GPATCH1: variants seen among roughly 807,000 people sequenced by gnomAD.
The protein encoded by GPATCH1 is G-patch domain containing 1.
A neutral mutation model predicts 114.9 loss-of-function variants in GPATCH1; 73 were observed. That is an observed-to-expected ratio of 0.64 (90% CI 0.53 to 0.77). The LOEUF (loss-of-function observed/expected upper bound fraction) is 0.77, where lower values mean the gene tolerates loss of function less well. Among genes scored for constraint, GPATCH1 ranks in the 30% least tolerant of loss-of-function variants. The pLI is 0.00. For missense variants in GPATCH1, 1,058 were observed against 1,144.3 expected (o/e 0.92, Z 1.09); for synonymous variants, 391 against 428.4 (o/e 0.91, Z 1.08).
chr19:33,122,343 G>A (rs1411499925), intron 17 of GPATCH1, among the ~76,000 whole-genome samples: 2 of 86,326 alleles, frequency 2.3e-5, no homozygotes, highest in Non-Finnish European at 4.5e-5. Flanking sequence ...TTTTTTTTTT[G>A]AGACGGAGTC....
intron 2 of GPATCH1, 33 bp from the exon 3 acceptor site, chr19:33,090,747 G>A (rs1456356360): frequency 1.4e-6 from 2 of 1,387,880 alleles, no homozygotes; most frequent in East Asian, 2.3e-5. Context: ...ATACTCTCTA[G>A]GATTGTAAAG....
intron 17 of GPATCH1, among the ~76,000 whole-genome samples, chr19:33,121,651 C>A (rs777877126): frequency 1.2e-4 from 18 of 152,090 alleles, no homozygotes; most frequent in Non-Finnish European, 1.9e-4. Flanking sequence ...GCTAATGTAG[C>A]AAATACAATA....
intron 15 of GPATCH1, among the ~76,000 whole-genome samples, chr19:33,115,735 C>A (rs1382112081): frequency 6.6e-6 from 1 of 151,344 alleles, no homozygotes; most frequent in Non-Finnish European, 1.5e-5. Flanking sequence ...CTTAGGTGAT[C>A]TGCCCGCCTC....
intron 3 of GPATCH1, 89 bp from the exon 4 acceptor site, chr19:33,093,270 C>CTTT (rs35647730): frequency 4.5e-5 from 33 of 729,302 alleles, no homozygotes; most frequent in East Asian, 6.4e-5. Flanking sequence ...GTAGTTTTAA[C>CTTT]TTTTTTTTTT....
chr19:33,107,857 T>G (rs986946926), intron 10 of GPATCH1, among the ~76,000 whole-genome samples: 27 of 152,120 alleles, frequency 1.8e-4, no homozygotes, highest in African/African-American at 6.5e-4. Context: ...AATTTTTATT[T>G]TTTTTTATTA....
chr19:33,095,502 T>C (rs911720354), intron 5 of GPATCH1, among the ~76,000 whole-genome samples: 1 of 151,898 alleles, frequency 6.6e-6, no homozygotes, highest in African/African-American at 2.4e-5. Context: ...GACCTTGTGA[T>C]CCACCCCGCC....
chr19:33,101,617 C>A, intron 9 of GPATCH1, 43 bp downstream of exon 9: 1 of 958,630 alleles, frequency 1.0e-6, no homozygotes, highest in South Asian at 1.4e-5. Context: ...TGGTTTAGTT[C>A]TTAAAATATT....
chr19:33,100,586 C>CAAAAAA (rs10609716), intron 8 of GPATCH1, among the ~76,000 whole-genome samples: 5 of 62,164 alleles, frequency 8.0e-5, no homozygotes, highest in Non-Finnish European at 1.3e-4. Flanking sequence ...GACTCCATCT[C>CAAAAAA]AAAAAAAAAA....
rs558665578 is a variant in GPATCH1, at chr19:33,108,313, G to A, written c.1286-1404G>A. ...CTACAGAAACCTCCAGGCTCCCCAC[G>A]AGGCCCTGTGCGGCCCCGCCCCTGC... On this transcript the variant is annotated intron_variant, in intron 10 of 19. Transcript: ENST00000170564. 2.4e-4 allele frequency among the ~76,000 whole-genome samples: 36 copies of A among 152,168 alleles called. 1 individual carries two copies. Among genetic ancestry groups the A allele is most frequent in the Middle Eastern group, 3.4e-3 (1 of 294 alleles).
At chr19:33,113,453 A>G (rs955580696) in intron 13 of GPATCH1, 3 of 221,158 alleles carry the variant, frequency 1.4e-5, no homozygotes, top group Non-Finnish European at 2.7e-5. Context: ...AGAGAAAAAA[A>G]AACAAAACAA....
intron 1 of GPATCH1, among the ~76,000 whole-genome samples, chr19:33,081,927 T>C (rs1057069038): frequency 8.4e-6 from 1 of 118,592 alleles, no homozygotes; most frequent in African/African-American, 3.1e-5. Context: ...AGGCTGGTCT[T>C]GAACTCCTGA....
rs181650434 is a variant in GPATCH1, at chr19:33,109,402, C to T, written c.1286-315C>T. On this transcript the variant is annotated intron_variant, in intron 10 of 19. Transcript: ENST00000170564. ...GCATTGTGGCACATGCCTGTAGTCC[C>T]GGCTACTCGGTGGGGATGAGACAGG... Among the ~76,000 whole-genome samples the T allele has an allele frequency of 7.4e-3, 1,126 of 152,046 alleles. 16 individuals carry two copies. The highest frequency in any genetic ancestry group is 0.026 in the African/African-American group (1,091 of 41,448).
At position 33,096,452 on chromosome 19, in the gene GPATCH1, A is replaced by G. The variant is rs1336201969; in HGVS notation, c.852+6A>G. The G allele has an allele frequency of 8.1e-6, 13 of 1,601,490 alleles. No individual in the cohort carries two copies. The Admixed American group carries it at 1.6e-4, about 19-fold the overall frequency. On this transcript the variant is annotated splice_donor_region_variant and intron_variant, in intron 7 of 19. Coordinates refer to ENST00000170564, the MANE Select transcript of GPATCH1 (RefSeq NM_018025.3). ...AATTGGGAATTTCAGGCCAGGTAAA[A>G]TTATTTTCTATTTTATAAAGGGGGA...
intron 2 of GPATCH1, among the ~76,000 whole-genome samples, chr19:33,090,090 A>G (rs536208441): frequency 1.3e-5 from 2 of 152,302 alleles, no homozygotes; most frequent in South Asian, 4.1e-4. Flanking sequence ...AGAGAAAACT[A>G]AACAACTTTA....
At chr19:33,120,003 T>C (rs1458993321) in intron 17 of GPATCH1, among the ~76,000 whole-genome samples, 6 of 141,134 alleles carry the variant, frequency 4.3e-5, no homozygotes, top group African/African-American at 1.6e-4. Context: ...ATATATTATA[T>C]TTTATATATT....
chr19:33,127,519 T>TAA (rs60093662), intron 19 of GPATCH1, among the ~76,000 whole-genome samples: 6 of 106,430 alleles, frequency 5.6e-5, no homozygotes, highest in Non-Finnish European at 8.9e-5. Context: ...CTTGTCTCAA[T>TAA]AAAAAAAAAA....
At chr19:33,092,183 G>C (rs1181921420) in intron 3 of GPATCH1, among the ~76,000 whole-genome samples, 1 of 151,860 alleles carries the variant, frequency 6.6e-6, no homozygotes, top group African/African-American at 2.4e-5. Context: ...CGAGTAGCTG[G>C]GATTACAGGC....
At chr19:33,110,321 A>T (rs1407283548) in intron 11 of GPATCH1, among the ~76,000 whole-genome samples, 1 of 152,198 alleles carries the variant, frequency 6.6e-6, no homozygotes, top group African/African-American at 2.4e-5. Context: ...CAAGCATTGC[A>T]TTCACATTTC....
At chr19:33,102,983 GT>G (rs1972744274) in intron 9 of GPATCH1, among the ~76,000 whole-genome samples, 3 of 152,076 alleles carry the variant, frequency 2.0e-5, no homozygotes, top group Non-Finnish European at 4.4e-5. Context: ...AGATTGCTTT[GT>G]TTTTGTGAGA....
Sources: allele counts gnomAD v4.1 joint callset (sites outside exome capture counted in the v4.1 genomes callset), GRCh38; gene constraint gnomAD v4.1.1; transcripts MANE v1.5; gene names NCBI Gene and HGNC (gene_info 2026-07-23, HGNC 2026-07-21).